The following DLGAP1 variants were observed in gnomAD, a reference collection of about 807,000 sequenced individuals.
DLGAP1 encodes disks large-associated protein 1.
In DLGAP1, 11 loss-of-function variants were observed where a neutral mutation model predicts 90.8. The ratio of observed to expected loss-of-function variants is 0.12; its 90% CI spans 0.08 to 0.20. The LOEUF (loss-of-function observed/expected upper bound fraction) is 0.20, where lower values mean the gene tolerates loss of function less well. DLGAP1 is among the 10% of genes least tolerant of loss of function. The pLI is 1.00. For synonymous variants in DLGAP1, 558 were observed against 540.7 expected (o/e 1.03, Z -0.44); for missense variants, 1,050 against 1,333.8 (o/e 0.79, Z 3.31).
chr18:4,212,568 AGGC>A (rs1182561728), intron 1 of DLGAP1, among the ~76,000 whole-genome samples: 3 of 145,008 alleles, frequency 2.1e-5, no homozygotes, highest in African/African-American at 5.0e-5. Flanking sequence ...GCTACTTGGG[AGGC>A]TGAGGCAGGA....
At chr18:4,090,804 G>A (rs1182560053) in intron 2 of DLGAP1, among the ~76,000 whole-genome samples, 1 of 152,138 alleles carries the variant, frequency 6.6e-6, no homozygotes, top group Admixed American at 6.5e-5. Context: ...TATGTTCATG[G>A]CAGCGCTATT....
intron 7 of DLGAP1, among the ~76,000 whole-genome samples, chr18:3,714,638 G>GT (rs1568002507): frequency 3.2e-4 from 40 of 125,790 alleles, no homozygotes; most frequent in African/African-American, 1.3e-3. Flanking sequence ...CTGATTACGT[G>GT]GTTTTTTTTT....
At chr18:4,348,400 A>ATATGTGTGTGTGTGTGTGTGTGTGTG (rs2081340053) in intron 1 of DLGAP1, among the ~76,000 whole-genome samples, 1 of 133,488 alleles carries the variant, frequency 7.5e-6, no homozygotes, top group Non-Finnish European at 1.6e-5. Flanking sequence ...GAACTCAGGA[A>ATATGTGTGTGTGTGTGTGTGTGTGTG]TGTGTGTGTG....
intron 1 of DLGAP1, among the ~76,000 whole-genome samples, chr18:4,312,185 G>A (rs914299467): frequency 2.6e-5 from 4 of 152,148 alleles, no homozygotes; most frequent in Admixed American, 6.5e-5. Flanking sequence ...TTTTCTAAGC[G>A]ATAATTCAGT....
At chr18:4,284,343 G>A (rs1047391517) in intron 1 of DLGAP1, among the ~76,000 whole-genome samples, 1 of 152,068 alleles carries the variant, frequency 6.6e-6, no homozygotes, top group Non-Finnish European at 1.5e-5. Flanking sequence ...AAGGTGGAAT[G>A]GGAAGACACA....
At chr18:4,185,854 T>C (rs892592154) in intron 1 of DLGAP1, among the ~76,000 whole-genome samples, 3 of 152,176 alleles carry the variant, frequency 2.0e-5, no homozygotes, top group African/African-American at 7.2e-5. Flanking sequence ...CTTTAAGGAA[T>C]CATCACACTG....
At chr18:3,774,156 TC>T (rs1254914980) in intron 5 of DLGAP1, 1 of 152,120 alleles carries the variant, frequency 6.6e-6, no homozygotes, top group Non-Finnish European at 1.5e-5. Flanking sequence ...GCCAAAAAGT[TC>T]CTCTTGGTGA....
At chr18:3,515,235 C>T (rs901680224) in intron 10 of DLGAP1, among the ~76,000 whole-genome samples, 16 of 151,904 alleles carry the variant, frequency 1.1e-4, no homozygotes, top group Non-Finnish European at 2.2e-4. Flanking sequence ...CTTTGGGAGG[C>T]CAAGGTGGGT....
At chr18:4,294,621 A>T (rs149222695) in intron 1 of DLGAP1, 15 of 152,388 alleles carry the variant, frequency 9.8e-5, no homozygotes, top group Non-Finnish European at 1.8e-4. Context: ...CCAAGTGGGC[A>T]CATGTTACAG....
At chr18:4,389,724 C>G (rs1249331992) in intron 1 of DLGAP1, among the ~76,000 whole-genome samples, 1 of 152,154 alleles carries the variant, frequency 6.6e-6, no homozygotes, top group Non-Finnish European at 1.5e-5. Flanking sequence ...TCACACTACC[C>G]ATTATACGCA....
intron 5 of DLGAP1, among the ~76,000 whole-genome samples, chr18:3,777,806 T>G (rs2065003715): frequency 6.6e-6 from 1 of 152,202 alleles, no homozygotes; most frequent in Admixed American, 6.5e-5. Context: ...ATAATTGGAC[T>G]AATAGGAATT....
intron 1 of DLGAP1, among the ~76,000 whole-genome samples, chr18:4,344,445 G>C (rs2081265674): frequency 6.6e-6 from 1 of 152,156 alleles, no homozygotes; most frequent in Non-Finnish European, 1.5e-5. Context: ...GAAAATAATA[G>C]TAATGTCATC....
chr18:3,534,386 G>T lies in DLGAP1; in HGVS notation c.2287C>A (p.Pro763Thr). 1 of 1,614,154 alleles carries T rather than the reference G, an allele frequency of 6.2e-7. No homozygotes were observed. The highest frequency in any genetic ancestry group is 8.5e-7 in the Non-Finnish European group (1 of 1,180,012). The stretch of plus-strand genomic sequence containing the variant: ...GGGTCCGGAGGAGGCAGAATAGAGG[G>T]GTCAAAATCCGTGTCAAAGTCATCA... ...ADDDFDTDFD[P>T]SILPPPDPWI... is the part of the protein sequence containing the mutation. The change falls in exon 10 of 13, where the codon CCC becomes ACC. Residue 763 changes from proline (P) to threonine (T), a missense_variant. By Grantham distance (38) the Pro-to-Thr change is conservative (BLOSUM62 -1). This residue lies in a region of DLGAP1 where 565 missense variants were observed against 879.7 expected (regional missense o/e 0.64). Coordinates refer to ENST00000315677, the MANE Select transcript of DLGAP1 (RefSeq NM_004746.4).
At chr18:4,206,859 C>T (rs900802141) in intron 1 of DLGAP1, among the ~76,000 whole-genome samples, 4 of 152,096 alleles carry the variant, frequency 2.6e-5, no homozygotes, top group Non-Finnish European at 5.9e-5. Flanking sequence ...GCATGCAATA[C>T]AACAGATTAA....
At chr18:3,753,894 G>A (rs2063602851) in intron 5 of DLGAP1, among the ~76,000 whole-genome samples, 1 of 152,300 alleles carries the variant, frequency 6.6e-6, no homozygotes, top group African/African-American at 2.4e-5. Context: ...AATCTGTGGG[G>A]GATTGGTTCC....
At chr18:3,749,967 C>G (rs2147794004) in intron 5 of DLGAP1, among the ~76,000 whole-genome samples, 1 of 152,180 alleles carries the variant, frequency 6.6e-6, no homozygotes, top group African/African-American at 2.4e-5. Context: ...TCTCTCTTTC[C>G]TTGTTTCCAA....
chr18:4,000,944 T>A (rs2074172038), intron 3 of DLGAP1, among the ~76,000 whole-genome samples: 1 of 152,228 alleles, frequency 6.6e-6, no homozygotes, highest in Non-Finnish European at 1.5e-5. Flanking sequence ...TGGGCAAGTG[T>A]ATTTTTATGT....
intron 1 of DLGAP1, among the ~76,000 whole-genome samples, chr18:4,291,155 T>C (rs896010390): frequency 2.0e-5 from 3 of 152,212 alleles, no homozygotes; most frequent in Non-Finnish European, 2.9e-5. Context: ...GTATTTATGA[T>C]GACATCTGGG....
intron 3 of DLGAP1, among the ~76,000 whole-genome samples, chr18:3,893,347 C>T (rs1024282936): frequency 2.6e-5 from 4 of 151,774 alleles, no homozygotes; most frequent in African/African-American, 7.3e-5. Context: ...GAGGCTGAGG[C>T]GGGTGGATCA....
Sources: allele counts gnomAD v4.1 joint callset (sites outside exome capture counted in the v4.1 genomes callset), GRCh38; gene constraint gnomAD v4.1.1; regional missense constraint gnomAD v4.1.1; transcripts MANE v1.5; gene names NCBI Gene and HGNC (gene_info 2026-07-23, HGNC 2026-07-21).